Variants in HS1BP3 observed in about 807,000 individuals in gnomAD.
The protein encoded by HS1BP3 is HCLS1 binding protein 3.
In HS1BP3, 32 loss-of-function variants were observed where a neutral mutation model predicts 33.5. The observed-to-expected ratio is 0.95, with a 90% confidence interval of 0.72 to 1.28. HS1BP3 has a LOEUF of 1.28. Ranked by LOEUF, HS1BP3 falls within the 50% of genes most tolerant of loss-of-function variation. The pLI is 0.00. For missense variants in HS1BP3, 486 were observed against 502.3 expected (o/e 0.97, Z 0.31); for synonymous variants, 187 against 209.2 (o/e 0.89, Z 0.92).
chr2:20,638,232 C>T lies in HS1BP3; in HGVS notation c.623+204G>A, dbSNP rs539114210. 1.8e-5 allele frequency: 11 copies of T among 605,538 alleles called. No individual in the cohort carries two copies. The South Asian group carries it at 2.0e-4, about 11-fold the overall frequency. 37.5% of individuals were successfully genotyped at this position (605,538 alleles called of 1,614,324 possible). On this transcript the variant is annotated intron_variant, in intron 4 of 6. Transcript: ENST00000304031. ...CCGAGAAGGGAGGCGACACCTAAGC[C>T]CAGTCCCAGAGACATGCACACCACC...
chr2:20,610,571 A>G (rs1694299252), intron 2 of HS1BP3, among the ~76,000 whole-genome samples: 2 of 152,194 alleles, frequency 1.3e-5, no homozygotes, highest in Non-Finnish European at 2.9e-5. Context: ...CACTGAATTA[A>G]ATGCTCAGTG....
At chr2:20,579,706 C>G (rs945799654) in intron 5 of HS1BP3, among the ~76,000 whole-genome samples, 1 of 152,206 alleles carries the variant, frequency 6.6e-6, no homozygotes, top group African/African-American at 2.4e-5. Flanking sequence ...CCCACAAGTC[C>G]CACGGGAATA....
chr2:20,581,011 T>C (rs943947259), intron 5 of HS1BP3, among the ~76,000 whole-genome samples: 1 of 152,234 alleles, frequency 6.6e-6, no homozygotes, highest in African/African-American at 2.4e-5. Flanking sequence ...TTGTCAGGCA[T>C]GCACTCCAGG....
chr2:20,579,434 T>C (rs2149275130), intron 5 of HS1BP3, among the ~76,000 whole-genome samples: 1 of 152,282 alleles, frequency 6.6e-6, no homozygotes, highest in South Asian at 2.1e-4. Context: ...GGCTGAAAGA[T>C]CCTCCGGCAC....
chr2:20,633,262 G>A (rs1242553904), intron 4 of HS1BP3, among the ~76,000 whole-genome samples: 1 of 152,174 alleles, frequency 6.6e-6, no homozygotes, highest in Non-Finnish European at 1.5e-5. Flanking sequence ...AGGGGCCCTC[G>A]CCTTCTGCAA....
At position 20,622,382 on chromosome 2, in the gene HS1BP3, G is replaced by A. The variant is rs1694632895; in HGVS notation, c.920+1514C>T. On this transcript the variant is annotated intron_variant, in intron 6 of 6. Coordinates refer to ENST00000304031, the MANE Select transcript of HS1BP3 (RefSeq NM_022460.4). ...TTAGCAGATGTCTGCTAAAGTGAAG[G>A]TGGGGGTGCGGGACCCACACTTTTT... 2.4e-6 allele frequency: 3 copies of A among 1,249,194 alleles called. No homozygotes were observed. In the South Asian group the frequency reaches 3.7e-5, roughly 16 times the overall value. The allele number at this position is 1,249,194 out of a possible 1,614,324, so 77.4% of individuals were successfully genotyped here.
At chr2:20,631,336 A>G (rs1010669844) in intron 4 of HS1BP3, among the ~76,000 whole-genome samples, 22 of 151,798 alleles carry the variant, frequency 1.4e-4, no homozygotes, top group Non-Finnish European at 2.8e-4. Context: ...CAACATAGTG[A>G]AACCTCATCT....
intron 4 of HS1BP3, among the ~76,000 whole-genome samples, chr2:20,628,393 T>C (rs1694859046): frequency 6.6e-6 from 1 of 152,112 alleles, no homozygotes; most frequent in East Asian, 1.9e-4. Flanking sequence ...TGAAAAGTGC[T>C]TTAGTTTAAA....
At chr2:20,598,289 T>C (rs1186361093) in intron 2 of HS1BP3, 9 of 399,394 alleles carry the variant, frequency 2.3e-5, no homozygotes, top group Non-Finnish European at 4.7e-5. Context: ...GAGACAGTGA[T>C]AGATCGTCAG....
intron 5 of HS1BP3, among the ~76,000 whole-genome samples, chr2:20,572,223 T>G (rs1693291902): frequency 1.3e-5 from 2 of 152,296 alleles, no homozygotes; most frequent in South Asian, 4.1e-4. Flanking sequence ...CATGTAGTTC[T>G]GCTCAGGCTC....
intron 2 of HS1BP3, among the ~76,000 whole-genome samples, chr2:20,600,737 GA>G (rs1247390366): frequency 2.0e-5 from 3 of 152,118 alleles, no homozygotes; most frequent in African/African-American, 7.2e-5. Flanking sequence ...AAATATAGAA[GA>G]AAAATCTTTT....
chr2:20,575,243 G>T (rs80314466), intron 5 of HS1BP3, among the ~76,000 whole-genome samples: 70 of 152,272 alleles, frequency 4.6e-4, no homozygotes, highest in African/African-American at 1.5e-3. Context: ...TCTAGGCCTC[G>T]TTCCAAGGGT....
At chr2:20,587,881 G>A (rs181164802), downstream of HS1BP3, among the ~76,000 whole-genome samples, 200 of 152,348 alleles carry the variant, frequency 1.3e-3, 1 homozygote, top group Non-Finnish European at 3.7e-4. Context: ...TCATGCATGG[G>A]CAGCTCTGTT....
chr2:20,645,545 G>A, intron 1 of HS1BP3, 40 bp from the exon 2 acceptor site: 2 of 1,571,946 alleles, frequency 1.3e-6, no homozygotes, highest in Non-Finnish European at 1.7e-6. Flanking sequence ...TCAGGGTCAA[G>A]GCAGTAGGCT....
downstream of HS1BP3, among the ~76,000 whole-genome samples, chr2:20,588,402 C>T (rs761045677): frequency 7.9e-5 from 12 of 152,180 alleles, no homozygotes; most frequent in Admixed American, 7.9e-4. Context: ...CTGCAACCTT[C>T]GCCTCCTGGG....
chr2:20,638,673 G>C, intron 3 of HS1BP3, 21 bp from the exon 4 acceptor site: 2 of 1,596,622 alleles, frequency 1.3e-6, no homozygotes, highest in Middle Eastern at 1.7e-4. Context: ...AGACAGAAAA[G>C]AATGGACTTG....
downstream of HS1BP3, among the ~76,000 whole-genome samples, chr2:20,615,343 G>C (rs952586320): frequency 6.6e-6 from 1 of 152,208 alleles, no homozygotes. Flanking sequence ...GAGAACTCAA[G>C]GGCCAGTCCC....
At chr2:20,575,942 T>G (rs921311047) in intron 5 of HS1BP3, among the ~76,000 whole-genome samples, 3 of 152,200 alleles carry the variant, frequency 2.0e-5, no homozygotes, top group Non-Finnish European at 2.9e-5. Flanking sequence ...GGAAGGGGAC[T>G]GGGGAGGGGG....
downstream of HS1BP3, among the ~76,000 whole-genome samples, chr2:20,616,738 C>A (rs1047598975): frequency 2.0e-5 from 3 of 152,066 alleles, no homozygotes; most frequent in African/African-American, 7.2e-5. Flanking sequence ...CTGGCTGAGT[C>A]CATTGTTTTA....
Sources: gnomAD v4.1 joint callset for allele counts (sites outside exome capture counted in the v4.1 genomes callset) on GRCh38, gnomAD v4.1.1 for gene constraint, MANE v1.5 for transcripts, NCBI Gene and HGNC (gene_info 2026-07-23, HGNC 2026-07-21) for gene names.